Variants in ASRGL1 observed in about 807,000 individuals in gnomAD.
ASRGL1 encodes isoaspartyl peptidase/L-asparaginase.
A neutral mutation model predicts 22.4 loss-of-function variants in ASRGL1; 16 were observed. The ratio of observed to expected loss-of-function variants is 0.71; its 90% CI spans 0.48 to 1.08. ASRGL1 has a LOEUF of 1.08. ASRGL1 is among the 50% of genes least tolerant of loss of function. The pLI is 0.00. For synonymous variants in ASRGL1, 165 were observed against 159.3 expected, an observed-to-expected ratio of 1.04 and a Z score of -0.27; for missense variants, 412 against 410.1, an observed-to-expected ratio of 1.00 and a Z score of -0.04.
chr11:62,389,466 G>C, intron 5 of ASRGL1: 1 of 629,846 alleles, frequency 1.6e-6, no homozygotes, highest in South Asian at 1.6e-5. Context: ...GTTTTTACTA[G>C]ATTGCATGCC....
At chr11:62,362,457 AAT>A (rs1230044191) in intron 4 of ASRGL1, among the ~76,000 whole-genome samples, 62 of 123,248 alleles carry the variant, frequency 5.0e-4, no homozygotes, top group African/African-American at 1.6e-3. Flanking sequence ...TGTAACCAAA[AAT>A]ATATATATAT....
chr11:62,376,688 G>T (rs11231062), intron 4 of ASRGL1, among the ~76,000 whole-genome samples: 148,515 of 152,168 alleles, frequency 0.98, 72,611 homozygotes, highest in African/African-American at 0.99. Context: ...GTTTTGAGTG[G>T]TCTATTAGTT....
At chr11:62,360,223 T>G (rs759423265) in intron 4 of ASRGL1, among the ~76,000 whole-genome samples, 5 of 151,910 alleles carry the variant, frequency 3.3e-5, no homozygotes, top group African/African-American at 4.8e-5. Flanking sequence ...AGAGAGGGTT[T>G]CACCATGTTG....
At chr11:62,380,292 C>T (rs1008941508) in intron 4 of ASRGL1, among the ~76,000 whole-genome samples, 9 of 152,042 alleles carry the variant, frequency 5.9e-5, no homozygotes, top group Non-Finnish European at 1.3e-4. Flanking sequence ...TATGACCTTA[C>T]GGGCATTTTC....
chr11:62,395,395 G>A (rs556598085), downstream of ASRGL1, among the ~76,000 whole-genome samples: 1 of 152,122 alleles, frequency 6.6e-6, no homozygotes. Flanking sequence ...CCTGAGCCAA[G>A]GCCAAGTGTC....
At chr11:62,375,451 T>C (rs1408900505) in intron 4 of ASRGL1, among the ~76,000 whole-genome samples, 6 of 73,388 alleles carry the variant, frequency 8.2e-5, no homozygotes, top group African/African-American at 3.7e-4. Context: ...TATATATATA[T>C]ATATATATAT....
chr11:62,340,790 T>A (rs1241816086), intron 2 of ASRGL1, among the ~76,000 whole-genome samples: 2 of 152,162 alleles, frequency 1.3e-5, no homozygotes, highest in African/African-American at 4.8e-5. Context: ...CGGCAAGCAA[T>A]ATTCCCAGCA....
intron 5 of ASRGL1, among the ~76,000 whole-genome samples, chr11:62,391,061 T>C (rs901464187): frequency 1.3e-5 from 2 of 152,208 alleles, no homozygotes; most frequent in Non-Finnish European, 1.5e-5. Flanking sequence ...TCAACAAATA[T>C]AACTGCCCTC....
At chr11:62,378,020 T>C (rs1369224536) in intron 4 of ASRGL1, among the ~76,000 whole-genome samples, 1 of 152,174 alleles carries the variant, frequency 6.6e-6, no homozygotes, top group African/African-American at 2.4e-5. Context: ...GGAGTGAATA[T>C]TCTTTTACTA....
At chr11:62,365,533 A>C (rs1565164236) in intron 4 of ASRGL1, among the ~76,000 whole-genome samples, 1 of 151,752 alleles carries the variant, frequency 6.6e-6, no homozygotes, top group South Asian at 2.1e-4. Context: ...CAGCCTGGGC[A>C]ACAGTGCAAG....
At position 62,356,450 on chromosome 11, in the gene ASRGL1, C is replaced by G. The variant is rs919147792; in HGVS notation, c.316C>G (p.Arg106Gly). 1 of 1,614,058 alleles carries G rather than the reference C, an allele frequency of 6.2e-7. No individual in the cohort carries two copies. Among genetic ancestry groups the G allele is most frequent in the Non-Finnish European group, 8.5e-7 (1 of 1,179,986 alleles). ...TATAGCAAATCCCATTAAACTTGCT[C>G]GGCTTGTCATGGAAAAGGTATATGT... ...QCIANPIKLA[R>G]LVMEKTPHCF... The change falls in exon 3 of 7, where the codon CGG (arginine) becomes GGG (glycine). Residue 106 changes from arginine to glycine, a missense_variant. Arg to Gly is a moderately radical substitution (Grantham distance 125). Transcript: ENST00000415229.
rs376341125 is a variant in ASRGL1, at chr11:62,392,304, C to A, written c.*20C>A. ...CCCTAAGCCGCTGGAAGATTGTATTCCAGATGCTAGCTTAGAGGTCAAGTA... is the reference window on the plus strand; with the variant it reads ...CCCTAAGCCGCTGGAAGATTGTATTACAGATGCTAGCTTAGAGGTCAAGTA... On this transcript the variant is annotated 3_prime_UTR_variant, in exon 7 of 7. Coordinates refer to ENST00000415229, the MANE Select transcript of ASRGL1 (RefSeq NM_001083926.2). 6.2e-7 allele frequency: 1 copy of A among 1,611,584 alleles called. No individual in the cohort carries two copies. The highest frequency in any genetic ancestry group is 1.3e-5 in the African/African-American group (1 of 74,858).
chr11:62,349,374 C>A (rs1313295388), intron 2 of ASRGL1, among the ~76,000 whole-genome samples: 6 of 152,134 alleles, frequency 3.9e-5, no homozygotes, highest in African/African-American at 1.4e-4. Flanking sequence ...GCCCAATAGC[C>A]CAGGAATAAT....
chr11:62,380,036 CTTT>C (rs1447463074), intron 4 of ASRGL1, among the ~76,000 whole-genome samples: 1 of 151,994 alleles, frequency 6.6e-6, no homozygotes, highest in Non-Finnish European at 1.5e-5. Flanking sequence ...CTGGGCAATT[CTTT>C]TTTAGATGAC....
intron 4 of ASRGL1, among the ~76,000 whole-genome samples, chr11:62,386,242 T>G (rs1342813250): frequency 1.3e-5 from 2 of 152,194 alleles, no homozygotes; most frequent in African/African-American, 4.8e-5. Flanking sequence ...AGTTTGAGAC[T>G]GTAACCAGTT....
At chr11:62,399,704 C>T in the ASRGL1 span, among the ~76,000 whole-genome samples, 84 of 152,328 alleles carry the variant, frequency 5.5e-4, no homozygotes, top group African/African-American at 2.0e-3. Flanking sequence ...GGCAGCACTG[C>T]CCTGACCTTC....
At position 62,389,223 on chromosome 11, in the gene ASRGL1, C is replaced by T. The variant is rs779204588; in HGVS notation, c.582C>T (p.Val194=). Residue 194 remains valine (V), a synonymous_variant, in exon 5 of 7, where the codon GTC becomes GTT. Coordinates refer to ENST00000415229, the MANE Select transcript of ASRGL1 (RefSeq NM_001083926.2). ...CAGGCGGTATCGTTAATAAAATGGT[C>T]GGCCGCGTTGGGGACTCACCGTGTC... ...TSTGGIVNKM[V]GRVGDSPCLG... is the part of the protein sequence containing the mutation. 2.0e-5 allele frequency: 32 copies of T among 1,613,950 alleles called. No homozygotes were observed. The highest frequency in any genetic ancestry group is 2.7e-5 in the African/African-American group (2 of 74,896).
At chr11:62,356,926 C>T (rs899431806) in intron 3 of ASRGL1, 61 bp from the exon 4 acceptor site, 1 of 1,520,456 alleles carries the variant, frequency 6.6e-7, no homozygotes, top group Non-Finnish European at 8.9e-7. Flanking sequence ...ACAGTTGGAA[C>T]AGTTAAAAAG....
intron 4 of ASRGL1, among the ~76,000 whole-genome samples, chr11:62,360,044 G>C (rs1311774530): frequency 1.0e-5 from 1 of 96,772 alleles, no homozygotes; most frequent in Non-Finnish European, 2.2e-5. Context: ...GGTTTTGTTT[G>C]TTTTTGAGAC....
Sources: allele counts gnomAD v4.1 joint callset (sites outside exome capture counted in the v4.1 genomes callset), GRCh38; gene constraint gnomAD v4.1.1; transcripts MANE v1.5; gene names NCBI Gene and HGNC (gene_info 2026-07-23, HGNC 2026-07-21).